The following FMN1 variants were observed in gnomAD, a reference collection of about 807,000 sequenced individuals.
FMN1 encodes the protein formin-1.
Under a neutral mutation model 132.4 loss-of-function variants are expected in FMN1, and 110 were observed. The observed-to-expected ratio is 0.83, with a 90% confidence interval of 0.71 to 0.97. FMN1 has a LOEUF of 0.97. Among genes scored for constraint, FMN1 ranks in the 50% least tolerant of loss-of-function variants. The probability of loss-of-function intolerance (pLI) is 0.00; values close to 1 mark genes in which losing one functional copy is unlikely to be tolerated. For missense variants in FMN1, 1,792 were observed against 1,705.3 expected, an observed-to-expected ratio of 1.05 and a Z score of -0.90; for synonymous variants, 722 against 651.7, an observed-to-expected ratio of 1.11 and a Z score of -1.64.
intron 15 of FMN1, among the ~76,000 whole-genome samples, chr15:32,893,476 G>A (rs539422726): frequency 6.6e-6 from 1 of 152,216 alleles, no homozygotes; most frequent in Non-Finnish European, 1.5e-5. Context: ...GAGTTAAAAA[G>A]GCATGACTCT....
intron 4 of FMN1, among the ~76,000 whole-genome samples, chr15:33,130,721 C>T (rs1224909422): frequency 6.6e-6 from 1 of 152,018 alleles, no homozygotes; most frequent in Non-Finnish European, 1.5e-5. Context: ...TATGTAATAC[C>T]ACACTGAATA....
intron 6 of FMN1, among the ~76,000 whole-genome samples, chr15:33,008,291 C>T (rs1445333234): frequency 6.6e-6 from 1 of 151,680 alleles, no homozygotes; most frequent in Non-Finnish European, 1.5e-5. Flanking sequence ...CGAAAAGACA[C>T]AAATTAAGCA....
At chr15:33,073,250 C>T (rs2038068104) in intron 5 of FMN1, among the ~76,000 whole-genome samples, 1 of 152,204 alleles carries the variant, frequency 6.6e-6, no homozygotes, top group South Asian at 2.1e-4. Flanking sequence ...CACTGTTAGG[C>T]TACTTGTCAT....
At chr15:33,084,666 T>C (rs1045771808) in intron 5 of FMN1, among the ~76,000 whole-genome samples, 2 of 152,204 alleles carry the variant, frequency 1.3e-5, no homozygotes, top group South Asian at 2.1e-4. Flanking sequence ...GTTTGTTAAA[T>C]AGATGCCCCC....
intron 6 of FMN1, among the ~76,000 whole-genome samples, chr15:33,047,873 A>T (rs1291121579): frequency 6.6e-6 from 1 of 152,172 alleles, no homozygotes; most frequent in African/African-American, 2.4e-5. Flanking sequence ...CAAGTAATCC[A>T]ATTAAAAAAA....
intron 6 of FMN1, among the ~76,000 whole-genome samples, chr15:33,034,649 G>T (rs143284821): frequency 7.4e-6 from 1 of 134,244 alleles, no homozygotes; most frequent in African/African-American, 2.8e-5. Context: ...AATCCTGATG[G>T]TTCTGCCTCA....
In FMN1 at chr15:32,770,884, A is replaced by G. The variant is rs1322500279; in HGVS notation, c.*3426T>C. The stretch of plus-strand genomic sequence containing the variant: ...AGTGAGTGTGTAGAAAGACACCATC[A>G]TCAACATAAGGATTCAAAAGGCAAC... On this transcript the variant is annotated 3_prime_UTR_variant, in exon 21 of 21. Transcript: ENST00000616417. 1 of 152,044 alleles carries G rather than the reference A, an allele frequency of 6.6e-6. No individual in the cohort carries two copies. The highest frequency in any genetic ancestry group is 1.9e-4 in the East Asian group (1 of 5,168). The allele number at this position is 152,044 out of a possible 1,614,324, so 9.4% of individuals were successfully genotyped here.
chr15:32,786,540 T>G (rs1210615754), intron 19 of FMN1, among the ~76,000 whole-genome samples: 2 of 152,116 alleles, frequency 1.3e-5, no homozygotes, highest in Admixed American at 6.6e-5. Context: ...GAATATTCAC[T>G]CCTTTGCCAT....
At chr15:32,991,173 C>T (rs1012453681) in intron 7 of FMN1, among the ~76,000 whole-genome samples, 1 of 152,154 alleles carries the variant, frequency 6.6e-6, no homozygotes, top group Non-Finnish European at 1.5e-5. Flanking sequence ...GACAAAGGCC[C>T]TCATTCTTTA....
At chr15:32,940,554 C>T (rs1397545680) in intron 9 of FMN1, among the ~76,000 whole-genome samples, 1 of 151,988 alleles carries the variant, frequency 6.6e-6, no homozygotes. Flanking sequence ...GTATACGATC[C>T]TTGAAAATGC....
intron 9 of FMN1, among the ~76,000 whole-genome samples, chr15:32,955,041 G>A (rs1009826257): frequency 3.3e-5 from 5 of 152,158 alleles, no homozygotes; most frequent in African/African-American, 1.2e-4. Context: ...TTGCTCTTTA[G>A]AACTATGTGG....
intron 17 of FMN1, among the ~76,000 whole-genome samples, chr15:32,853,798 C>T (rs2059063890): frequency 1.3e-5 from 2 of 152,158 alleles, no homozygotes; most frequent in African/African-American, 4.8e-5. Flanking sequence ...GTTACGTAGC[C>T]CCACTTGAGA....
In FMN1 at chr15:32,856,913, G is replaced by GTGGT; in HGVS notation, c.3928+98_3928+101dup. ...GCTAATGAAATCACCAGAGCTGCCT[G>GTGGT]TGGTCAGCCAGGATGCCAGGGGCCG... On this transcript the variant is annotated intron_variant, in intron 17 of 20. Coordinates refer to ENST00000616417, the MANE Select transcript of FMN1 (RefSeq NM_001277313.2). The GTGGT allele has an allele frequency of 3.9e-6, 3 of 778,050 alleles. No homozygotes were observed. The Middle Eastern group carries it at 8.0e-4, about 209-fold the overall frequency. The allele number at this position is 778,050 out of a possible 1,614,324, so 48.2% of individuals were successfully genotyped here. A position where few individuals can be genotyped will look rare whatever the true frequency, so the allele number is the denominator to read the frequency against.
chr15:32,962,626 A>G (rs1596352424), intron 9 of FMN1, among the ~76,000 whole-genome samples: 2 of 151,088 alleles, frequency 1.3e-5, no homozygotes, highest in African/African-American at 2.5e-5. Flanking sequence ...AATCTACAAT[A>G]AACTCAAACA....
chr15:32,864,761 C>T (rs1596118799), intron 16 of FMN1, among the ~76,000 whole-genome samples: 1 of 152,192 alleles, frequency 6.6e-6, no homozygotes, highest in African/African-American at 2.4e-5. Flanking sequence ...TTTATATCTA[C>T]ACATACATAG....
intron 5 of FMN1, among the ~76,000 whole-genome samples, chr15:33,074,474 T>C (rs1399044872): frequency 6.6e-6 from 1 of 152,232 alleles, no homozygotes; most frequent in African/African-American, 2.4e-5. Context: ...CACCTGCCTC[T>C]TGCAAGGACT....
chr15:32,955,188 T>G (rs991718730), intron 9 of FMN1, among the ~76,000 whole-genome samples: 2 of 152,240 alleles, frequency 1.3e-5, no homozygotes, highest in Admixed American at 6.5e-5. Context: ...ATTCCTCATT[T>G]AGCAGTGGCA....
At chr15:33,112,976 G>A (rs2039769860) in intron 4 of FMN1, among the ~76,000 whole-genome samples, 4 of 152,178 alleles carry the variant, frequency 2.6e-5, no homozygotes, top group Admixed American at 6.5e-5. Flanking sequence ...GAGAACCTTC[G>A]CTGTTAGGTG....
At chr15:32,890,763 C>CT (rs1239831138) in intron 15 of FMN1, among the ~76,000 whole-genome samples, 1 of 152,116 alleles carries the variant, frequency 6.6e-6, no homozygotes, top group African/African-American at 2.4e-5. Flanking sequence ...AACTACTTAT[C>CT]TTTGTTTTTA....
Sources: gnomAD v4.1 joint callset for allele counts (sites outside exome capture counted in the v4.1 genomes callset) on GRCh38, gnomAD v4.1.1 for gene constraint, MANE v1.5 for transcripts, NCBI Gene and HGNC (gene_info 2026-07-23, HGNC 2026-07-21) for gene names.